MBNL2: variants seen among roughly 807,000 people sequenced by gnomAD.
MBNL2 encodes muscleblind like splicing regulator 2, also known as muscleblind-like protein 2.
A neutral mutation model predicts 41.9 loss-of-function variants in MBNL2; 17 were observed. The ratio of observed to expected loss-of-function variants is 0.41; its 90% CI spans 0.28 to 0.61. MBNL2 has a LOEUF of 0.61. Among genes scored for constraint, MBNL2 ranks in the 20% least tolerant of loss-of-function variants. The pLI is 0.35. For synonymous variants in MBNL2, 195 were observed against 182.9 expected (o/e 1.07, Z -0.53); for missense variants, 336 against 505.6 (o/e 0.66, Z 3.22).
At chr13:97,322,016 G>A (rs139567952) in intron 2 of MBNL2, among the ~76,000 whole-genome samples, 387 of 152,282 alleles carry the variant, frequency 2.5e-3, no homozygotes, top group Non-Finnish European at 4.5e-3. Flanking sequence ...TATGTACAAC[G>A]TTATATAAGT....
At chr13:97,297,324 C>T (rs1409261236) in intron 2 of MBNL2, among the ~76,000 whole-genome samples, 4 of 152,116 alleles carry the variant, frequency 2.6e-5, no homozygotes, top group African/African-American at 9.7e-5. Context: ...TGAGTATCAG[C>T]CAACTGCCGT....
At chr13:97,171,468 A>G in the MBNL2 span, among the ~76,000 whole-genome samples, 177 of 152,312 alleles carry the variant, frequency 1.2e-3, no homozygotes, top group Non-Finnish European at 2.1e-3. Context: ...GAGCTGTAAA[A>G]AAATTTTTTT....
intron 1 of MBNL2, among the ~76,000 whole-genome samples, chr13:97,244,850 T>C (rs1468279740): frequency 6.6e-6 from 1 of 152,196 alleles, no homozygotes; most frequent in East Asian, 1.9e-4. Flanking sequence ...GAAATTGAAA[T>C]ATAATAAAAC....
chr13:97,243,968 A>C (rs527721714), intron 1 of MBNL2, among the ~76,000 whole-genome samples: 8 of 152,186 alleles, frequency 5.3e-5, no homozygotes, highest in African/African-American at 1.9e-4. Context: ...TCTGTCTTTC[A>C]CAGTATCAGA....
At chr13:97,202,835 T>A in the MBNL2 span, among the ~76,000 whole-genome samples, 1 of 152,086 alleles carries the variant, frequency 6.6e-6, no homozygotes. Flanking sequence ...GAGAAGTGGG[T>A]GCCATGGCTG....
intron 5 of MBNL2, among the ~76,000 whole-genome samples, chr13:97,347,398 G>T (rs551212681): frequency 6.6e-6 from 1 of 152,270 alleles, no homozygotes; most frequent in Non-Finnish European, 1.5e-5. Flanking sequence ...TGAACATGAA[G>T]GTGGGCACCG....
At chr13:97,159,468 G>A in the MBNL2 span, among the ~76,000 whole-genome samples, 30 of 151,684 alleles carry the variant, frequency 2.0e-4, no homozygotes, top group Non-Finnish European at 3.4e-4. Flanking sequence ...TTGCTCGTTC[G>A]TTGATGCAGT....
At chr13:97,159,543 A>G in the MBNL2 span, among the ~76,000 whole-genome samples, 1 of 151,764 alleles carries the variant, frequency 6.6e-6, no homozygotes, top group Non-Finnish European at 1.5e-5. Flanking sequence ...ACCGGTTGTT[A>G]CTTTCCATGT....
chr13:97,356,711 C>A, intron 5 of MBNL2, 85 bp from the exon 6 acceptor site: 1 of 708,218 alleles, frequency 1.4e-6, no homozygotes, highest in Middle Eastern at 3.0e-4. Context: ...CATGATGCAC[C>A]TCTGCTTGCT....
At chr13:97,278,837 T>C (rs1235861972) in intron 2 of MBNL2, among the ~76,000 whole-genome samples, 1 of 152,182 alleles carries the variant, frequency 6.6e-6, no homozygotes, top group Non-Finnish European at 1.5e-5. Flanking sequence ...ACTGTCCAAC[T>C]GAAAAGAATG....
At chr13:97,222,298 G>C (rs1302582237), upstream of MBNL2, 1 of 397,466 alleles carries the variant, frequency 2.5e-6, no homozygotes, top group Admixed American at 4.4e-5. Context: ...GGGATTTGTC[G>C]GAAGGAAGGG....
At chr13:97,358,103 C>G (rs753607310) in intron 7 of MBNL2, among the ~76,000 whole-genome samples, 2 of 152,164 alleles carry the variant, frequency 1.3e-5, no homozygotes, top group Non-Finnish European at 2.9e-5. Context: ...TTCATTCTAT[C>G]TCTTTCTCCA....
chr13:97,171,104 G>A, the MBNL2 span, among the ~76,000 whole-genome samples: 11 of 152,194 alleles, frequency 7.2e-5, no homozygotes, highest in African/African-American at 2.7e-4. Flanking sequence ...TGATCTCACA[G>A]TTTGCACAGG....
chr13:97,252,115 GCT>G (rs1222395023), intron 1 of MBNL2, among the ~76,000 whole-genome samples: 1 of 151,956 alleles, frequency 6.6e-6, no homozygotes, highest in African/African-American at 2.4e-5. Flanking sequence ...CTCCCAAAGT[GCT>G]GGGATTACAG....
chr13:97,227,944 C>T (rs753875152), intron 1 of MBNL2, among the ~76,000 whole-genome samples: 7 of 152,146 alleles, frequency 4.6e-5, no homozygotes, highest in Admixed American at 6.5e-5. Context: ...AACAGAAAAT[C>T]CATGCGTAAT....
chr13:97,259,988 G>A (rs552245061), intron 1 of MBNL2, among the ~76,000 whole-genome samples: 1 of 152,316 alleles, frequency 6.6e-6, no homozygotes, highest in Non-Finnish European at 1.5e-5. Flanking sequence ...GATACAGACA[G>A]ACCATCCCCT....
At chr13:97,388,314 C>CATATATATATAT (rs34389348) in intron 8 of MBNL2, among the ~76,000 whole-genome samples, 21 of 139,694 alleles carry the variant, frequency 1.5e-4, no homozygotes, top group South Asian at 2.3e-4. Context: ...TACATACATA[C>CATATATATATAT]ATATATATAT....
At chr13:97,186,757 C>G in the MBNL2 span, among the ~76,000 whole-genome samples, 2 of 152,106 alleles carry the variant, frequency 1.3e-5, no homozygotes, top group Admixed American at 1.3e-4. Context: ...AGAAGTGATT[C>G]CTATCATCAT....
chr13:97,391,455 G>T lies in MBNL2; in HGVS notation c.*6G>T. 2 of 1,093,838 alleles carry T rather than the reference G, an allele frequency of 1.8e-6. No homozygotes were observed. Among genetic ancestry groups the T allele is most frequent in the South Asian group, 1.2e-5 (1 of 80,686 alleles). 67.8% of individuals were successfully genotyped at this position (1,093,838 alleles called of 1,614,324 possible). ...TGCCACAAACTGCATGCTAAATAAA[G>T]ATGTAGTTCTTCTGGACAGACCACA... On this transcript the variant is annotated 3_prime_UTR_variant, in exon 9 of 9. Coordinates refer to ENST00000679496, the MANE Select transcript of MBNL2 (RefSeq NM_001382683.1).
Sources: allele counts gnomAD v4.1 joint callset (sites outside exome capture counted in the v4.1 genomes callset), GRCh38; gene constraint gnomAD v4.1.1; transcripts MANE v1.5; gene names NCBI Gene and HGNC (gene_info 2026-07-23, HGNC 2026-07-21).